Variants in CNTNAP2 observed in about 807,000 individuals in gnomAD.
CNTNAP2 encodes contactin associated protein 2, also known as contactin-associated protein-like 2.
In CNTNAP2, 98 loss-of-function variants were observed where a neutral mutation model predicts 155.2. The observed-to-expected ratio is 0.63, with a 90% CI of 0.54 to 0.75. The LOEUF (loss-of-function observed/expected upper bound fraction) is 0.75. CNTNAP2 is among the 30% of genes least tolerant of loss of function. CNTNAP2 has a pLI of 0.00. For missense variants in CNTNAP2, 1,727 were observed against 1,688.1 expected (o/e 1.02, Z -0.40); for synonymous variants, 651 against 631.2 (o/e 1.03, Z -0.47).
intron 15 of CNTNAP2, among the ~76,000 whole-genome samples, chr7:148,005,104 A>G (rs1267291934): frequency 6.6e-5 from 10 of 152,178 alleles, no homozygotes. Flanking sequence ...GGTGGCTTAT[A>G]AACAACTGAA....
intron 1 of CNTNAP2, among the ~76,000 whole-genome samples, chr7:146,475,096 A>G (rs904210366): frequency 6.6e-6 from 1 of 152,226 alleles, no homozygotes. Context: ...AGATACATAT[A>G]TAATTTATTT....
rs568650868 is a variant in CNTNAP2 at position 146,643,477 on chromosome 7, C to T, written c.98-130794C>T. Reference sequence around the variant, plus strand: ...CAAAGATCAGATAGTTGTAGATATGCAGCGTTATTTCTGAGGGCTGTGTTC... The same window carrying T: ...CAAAGATCAGATAGTTGTAGATATGTAGCGTTATTTCTGAGGGCTGTGTTC... On this transcript the variant is annotated intron_variant, in intron 1 of 23. Transcript: ENST00000361727. 1.1e-3 allele frequency among the ~76,000 whole-genome samples: 160 copies of T among 152,118 alleles called. 1 individual carries two copies. The East Asian group carries it at 0.022, about 21-fold the overall frequency.
intron 1 of CNTNAP2, among the ~76,000 whole-genome samples, chr7:146,478,414 A>G (rs1242350949): frequency 1.3e-5 from 2 of 151,976 alleles, no homozygotes; most frequent in Non-Finnish European, 2.9e-5. Flanking sequence ...CTGGTTTGAC[A>G]TTTTTGCCTC....
chr7:146,412,128 C>T (rs752202456), intron 1 of CNTNAP2, among the ~76,000 whole-genome samples: 13 of 152,050 alleles, frequency 8.5e-5, no homozygotes, highest in East Asian at 1.9e-4. Context: ...CCACCGCGCC[C>T]GGCCAACATT....
intron 8 of CNTNAP2, among the ~76,000 whole-genome samples, chr7:147,179,354 T>C (rs886346496): frequency 2.0e-5 from 3 of 152,162 alleles, no homozygotes; most frequent in African/African-American, 7.2e-5. Flanking sequence ...AAGTCCTCTC[T>C]GAGGAGACAA....
chr7:148,354,325 TAATC>T lies in CNTNAP2; in HGVS notation c.3476-29321_3476-29318del, dbSNP rs201733239. Among the ~76,000 whole-genome samples the T allele has an allele frequency of 6.1e-3, 930 of 152,182 alleles. 7 individuals carry two copies. Among genetic ancestry groups the T allele is most frequent in the African/African-American group, 0.022 (903 of 41,518 alleles). ...GTCACATTTTTCTGGTTCCTCCTGATAATCAAGGCAATATTCTTTGAACTGTTTC... is the reference window on the plus strand; with the variant it reads ...GTCACATTTTTCTGGTTCCTCCTGATAAGGCAATATTCTTTGAACTGTTTC... On this transcript the variant is annotated intron_variant, in intron 21 of 23. Coordinates refer to ENST00000361727, the MANE Select transcript of CNTNAP2 (RefSeq NM_014141.6).
At chr7:147,931,844 C>A (rs905781606) in intron 14 of CNTNAP2, among the ~76,000 whole-genome samples, 4 of 152,090 alleles carry the variant, frequency 2.6e-5, no homozygotes, top group African/African-American at 9.7e-5. Flanking sequence ...CAATCCCTAT[C>A]AAAATTCCAA....
chr7:147,848,362 A>C (rs1214319279), intron 13 of CNTNAP2, among the ~76,000 whole-genome samples: 1 of 150,444 alleles, frequency 6.6e-6, no homozygotes, highest in East Asian at 2.0e-4. Context: ...CCGATTTTCC[A>C]GGTGCGTCCG....
At chr7:147,767,306 T>G (rs1202821543) in intron 13 of CNTNAP2, among the ~76,000 whole-genome samples, 1 of 151,956 alleles carries the variant, frequency 6.6e-6, no homozygotes, top group Non-Finnish European at 1.5e-5. Flanking sequence ...AGACTTGCAG[T>G]TTGAGCTAAA....
At position 147,775,339 on chromosome 7, in the gene CNTNAP2, ATATATATATT is replaced by A. The variant is rs1244395416; in HGVS notation, c.2099-128211_2099-128202del. 5.5e-5 allele frequency among the ~76,000 whole-genome samples: 2 copies of A among 36,368 alleles called. 1 individual carries two copies. Among genetic ancestry groups the A allele is most frequent in the Admixed American group, 7.2e-4 (2 of 2,774 alleles). 23.9% of individuals were successfully genotyped at this position (36,368 alleles called of 152,430 possible). A position where few individuals can be genotyped will look rare whatever the true frequency, so the allele number is the denominator to read the frequency against. On this transcript the variant is annotated intron_variant, in intron 13 of 23. Coordinates refer to ENST00000361727, the MANE Select transcript of CNTNAP2 (RefSeq NM_014141.6). ...TATATATATTTATATATATTTATAA[ATATATATATT>A]TATATATATTTATAAATATATATAT... is the stretch of plus-strand genomic sequence containing the variant.
intron 10 of CNTNAP2, among the ~76,000 whole-genome samples, chr7:147,481,784 G>C (rs764369479): frequency 5.9e-5 from 9 of 151,982 alleles, no homozygotes; most frequent in Non-Finnish European, 1.3e-4. Context: ...TCCTGATCCC[G>C]GTCAAGTCAT....
intron 6 of CNTNAP2, chr7:147,122,005 G>A (rs556387106): frequency 2.6e-5 from 4 of 152,102 alleles, no homozygotes; most frequent in East Asian, 3.9e-4. Flanking sequence ...GTGAAACTCC[G>A]TCTCTGCTAA....
chr7:146,933,376 G>A (rs1371351395), intron 3 of CNTNAP2, among the ~76,000 whole-genome samples: 1 of 151,140 alleles, frequency 6.6e-6, no homozygotes, highest in Non-Finnish European at 1.5e-5. Context: ...GGGAAAACTG[G>A]CTAGCCATAC....
chr7:147,738,707 T>C (rs1262146648), intron 13 of CNTNAP2, among the ~76,000 whole-genome samples: 1 of 148,844 alleles, frequency 6.7e-6, no homozygotes. Context: ...CAAACTGGAG[T>C]GCAGTGGTGC....
intron 1 of CNTNAP2, among the ~76,000 whole-genome samples, chr7:146,574,429 G>T (rs60851104): frequency 0.029 from 4,468 of 152,276 alleles, 222 homozygotes; most frequent in African/African-American, 0.1. Flanking sequence ...TAGGCCAGGT[G>T]TGGTGGCTCA....
chr7:146,249,901 G>T (rs1395256696), intron 1 of CNTNAP2, among the ~76,000 whole-genome samples: 1 of 151,794 alleles, frequency 6.6e-6, no homozygotes, highest in African/African-American at 2.4e-5. Context: ...AAGAAAAAAA[G>T]AAATTTAAAT....
chr7:146,583,316 C>G (rs573399345), intron 1 of CNTNAP2, among the ~76,000 whole-genome samples: 6 of 152,214 alleles, frequency 3.9e-5, no homozygotes, highest in African/African-American at 1.4e-4. Context: ...AAGCGAGGCA[C>G]AGTGGATGGA....
At chr7:146,287,327 TG>T (rs1396486221) in intron 1 of CNTNAP2, among the ~76,000 whole-genome samples, 2 of 152,152 alleles carry the variant, frequency 1.3e-5, no homozygotes, top group African/African-American at 4.8e-5. Context: ...GTGTCCCCAC[TG>T]GGACATTAAA....
chr7:146,236,061 T>C (rs995438954), intron 1 of CNTNAP2, among the ~76,000 whole-genome samples: 23 of 152,086 alleles, frequency 1.5e-4, no homozygotes, highest in African/African-American at 5.6e-4. Context: ...ACTGTTACTT[T>C]TTACTGTACA....
Sources: allele counts gnomAD v4.1 joint callset (sites outside exome capture counted in the v4.1 genomes callset), GRCh38; gene constraint gnomAD v4.1.1; transcripts MANE v1.5; gene names NCBI Gene and HGNC (gene_info 2026-07-23, HGNC 2026-07-21).